ZFYVE21: variants seen among roughly 807,000 people sequenced by gnomAD.
The protein encoded by ZFYVE21 is zinc finger FYVE domain-containing protein 21.
A neutral mutation model predicts 29.5 loss-of-function variants in ZFYVE21; 21 were observed. The ratio of observed to expected loss-of-function variants is 0.71; its 90% CI spans 0.50 to 1.02. ZFYVE21 has a LOEUF of 1.02. Ranked by LOEUF, ZFYVE21 falls within the 50% of genes least tolerant of loss-of-function variation. The pLI, the probability that ZFYVE21 is intolerant of heterozygous loss-of-function variation, is 0.00. For missense variants in ZFYVE21, 326 were observed against 335.4 expected (o/e 0.97, Z 0.22); for synonymous variants, 151 against 133.8 (o/e 1.13, Z -0.89).
At chr14:103,729,628 T>C in intron 5 of ZFYVE21, 1 of 870,446 alleles carries the variant, frequency 1.1e-6, no homozygotes. Context: ...CTTTGGCCCA[T>C]CCTGGGCCTC....
chr14:103,732,434 T>TG, intron 5 of ZFYVE21, 186 bp from the exon 6 acceptor site: 1 of 606,394 alleles, frequency 1.6e-6, no homozygotes, highest in East Asian at 3.3e-5. Context: ...CCTGTGAGCT[T>TG]GGGGTCTCCC....
intron 1 of ZFYVE21, among the ~76,000 whole-genome samples, chr14:103,719,930 C>T (rs1438307746): frequency 6.6e-6 from 1 of 152,118 alleles, no homozygotes; most frequent in African/African-American, 2.4e-5. Context: ...GATTCCTGGG[C>T]GTCCTGTGGG....
rs1358469331 is a variant in ZFYVE21, at chr14:103,729,108, GA to G, written c.453del (p.Asp152ThrfsTer45). 6.2e-7 allele frequency: 1 copy of G among 1,614,096 alleles called. No homozygotes were observed. The stretch of plus-strand genomic sequence containing the variant: ...TGATGTAGATACTTGTTTCTGGATG[GA>G]GACAGCCACTATGAAATCGAAATTG... Reference protein sequence around the residue: ...SNNQRYLFLDGDSHYEIEIVH... With the variant: ...SNNQRYLFLDXDSHYEIEIVH... On this transcript the variant is annotated frameshift_variant, in exon 5 of 7. Transcript: ENST00000311141. LOFTEE classifies it high-confidence loss of function.
Position 103,725,766 on chromosome 14 carries a change from C to T in ZFYVE21, c.139-1026C>T, listed in dbSNP as rs1306690347. ...AGTGAAGCAGTGGAAATGCAGGGAG[C>T]ATCTTAAATCTGTTTTATTTCTAAC... is the stretch of plus-strand genomic sequence containing the variant. On this transcript the variant is annotated intron_variant, in intron 1 of 6. Transcript: ENST00000311141. 5 of 152,258 alleles carry T rather than the reference C, an allele frequency of 3.3e-5. 1 individual carries two copies. The highest frequency in any genetic ancestry group is 4.4e-5 in the Non-Finnish European group (3 of 68,050). 9.4% of individuals were successfully genotyped at this position (152,258 alleles called of 1,614,324 possible).
chr14:103,727,427 C>G, intron 2 of ZFYVE21: 1 of 494,908 alleles, frequency 2.0e-6, no homozygotes, highest in Middle Eastern at 5.9e-4. Context: ...GTGTCTTGCC[C>G]CTAATGTGTG....
At chr14:103,726,553 T>G in intron 1 of ZFYVE21, 1 of 525,304 alleles carries the variant, frequency 1.9e-6, no homozygotes, top group Non-Finnish European at 3.4e-6. Context: ...TCAGGCCCCA[T>G]GGTTACGCTG....
rs2084004224 is a variant in ZFYVE21 at position 103,733,258 on chromosome 14, GT to G, written c.*241del. ...GTGTATTGTCAATACTTAATTGGGG[GT>G]GGGAGAGACTGAGCTACACTACTGC... On this transcript the variant is annotated 3_prime_UTR_variant, in exon 7 of 7. Coordinates refer to ENST00000311141, the MANE Select transcript of ZFYVE21 (RefSeq NM_024071.4). 8 of 535,960 alleles carry G rather than the reference GT, an allele frequency of 1.5e-5. No individual in the cohort carries two copies. The South Asian group carries it at 1.9e-4, about 13-fold the overall frequency. The allele number at this position is 535,960 out of a possible 1,614,324, so 33.2% of individuals were successfully genotyped here. A position where few individuals can be genotyped will look rare whatever the true frequency, so the allele number is the denominator to read the frequency against.
rs1450507436 is a variant in ZFYVE21, at chr14:103,733,140, C to T, written c.*122C>T. ...TGCTTGTGCTGGGAAATGCAACTCA[C>T]TCATGTATTTGGAGAAACAGGAGTG... On this transcript the variant is annotated 3_prime_UTR_variant, in exon 7 of 7. Coordinates refer to ENST00000311141, the MANE Select transcript of ZFYVE21 (RefSeq NM_024071.4). 1.3e-5 allele frequency: 17 copies of T among 1,327,972 alleles called. No individual in the cohort carries two copies. In the East Asian group the frequency reaches 3.3e-4, roughly 26 times the overall value. 82.3% of individuals were successfully genotyped at this position (1,327,972 alleles called of 1,614,324 possible).
intron 1 of ZFYVE21, 180 bp from the exon 2 acceptor site, chr14:103,726,612 C>A: frequency 1.3e-6 from 1 of 747,292 alleles, no homozygotes; most frequent in Non-Finnish European, 2.3e-6. Context: ...ACCGCATTGG[C>A]TCTGGAGCCT....
At chr14:103,722,864 A>G (rs775434564) in intron 1 of ZFYVE21, among the ~76,000 whole-genome samples, 12 of 151,176 alleles carry the variant, frequency 7.9e-5, no homozygotes, top group Non-Finnish European at 1.5e-4. Flanking sequence ...TGCCCAGGCT[A>G]GTCTTAAACT....
At chr14:103,717,160 C>A in intron 1 of ZFYVE21, among the ~76,000 whole-genome samples, 1 of 152,130 alleles carries the variant, frequency 6.6e-6, no homozygotes, top group South Asian at 2.1e-4. Flanking sequence ...CTACAGTGTA[C>A]GGAGCCATCA....
chr14:103,719,969 C>T (rs1045934106), intron 1 of ZFYVE21, among the ~76,000 whole-genome samples: 1 of 152,142 alleles, frequency 6.6e-6, no homozygotes, highest in Non-Finnish European at 1.5e-5. Flanking sequence ...CATAACCCTC[C>T]CAGGCTGTGA....
At chr14:103,720,886 G>A (rs1262834147) in intron 1 of ZFYVE21, among the ~76,000 whole-genome samples, 1 of 152,158 alleles carries the variant, frequency 6.6e-6, no homozygotes, top group Admixed American at 6.5e-5. Flanking sequence ...GCAGTGGCGC[G>A]ATCTCGGCTC....
intron 1 of ZFYVE21, among the ~76,000 whole-genome samples, chr14:103,720,440 C>T (rs1441147120): frequency 5.3e-5 from 8 of 152,166 alleles, no homozygotes; most frequent in African/African-American, 1.7e-4. Flanking sequence ...CAGTGGGTGA[C>T]GCTTCTCACT....
At chr14:103,717,711 C>T (rs1206029250) in intron 1 of ZFYVE21, among the ~76,000 whole-genome samples, 1 of 152,256 alleles carries the variant, frequency 6.6e-6, no homozygotes, top group African/African-American at 2.4e-5. Context: ...TGGCAGGATA[C>T]CCCTCCAGAG....
At chr14:103,726,544 C>A in intron 1 of ZFYVE21, 1 of 510,590 alleles carries the variant, frequency 2.0e-6, no homozygotes, top group Admixed American at 3.4e-5. Context: ...AAGCCCACCT[C>A]AGGCCCCATG....
intron 1 of ZFYVE21, chr14:103,724,682 A>C (rs538499192): frequency 6.6e-6 from 1 of 152,262 alleles, no homozygotes; most frequent in Non-Finnish European, 1.5e-5. Flanking sequence ...CTTAATCATC[A>C]GAAGCCAAAA....
intron 1 of ZFYVE21, among the ~76,000 whole-genome samples, chr14:103,723,600 G>A (rs560711548): frequency 2.6e-5 from 4 of 152,208 alleles, no homozygotes; most frequent in Non-Finnish European, 5.9e-5. Context: ...TGAGGCCCTC[G>A]TGTGGGTCGC....
chr14:103,729,012 G>A (rs1338940182), intron 4 of ZFYVE21, 29 bp downstream of exon 4: 2 of 1,613,710 alleles, frequency 1.2e-6, no homozygotes, highest in African/African-American at 1.3e-5. Flanking sequence ...TTGGCACGGG[G>A]CAGCATTGTC....
Sources: allele counts gnomAD v4.1 joint callset (sites outside exome capture counted in the v4.1 genomes callset), GRCh38; gene constraint gnomAD v4.1.1; transcripts MANE v1.5; gene names NCBI Gene and HGNC (gene_info 2026-07-23, HGNC 2026-07-21).